The following NDUFS6 variants were observed in gnomAD, a reference collection of about 807,000 sequenced individuals.
NDUFS6 encodes NADH dehydrogenase [ubiquinone] iron-sulfur protein 6, mitochondrial.
A neutral mutation model predicts 13.2 loss-of-function variants in NDUFS6; 14 were observed. That is an observed-to-expected ratio of 1.06 (90% confidence interval 0.70 to 1.66). The LOEUF is 1.66. NDUFS6 is among the 40% of genes most tolerant of loss of function. NDUFS6 has a pLI of 0.00. For synonymous variants in NDUFS6, 95 were observed against 72.3 expected (o/e 1.31, Z -1.60); for missense variants, 206 against 170.8 (o/e 1.21, Z -1.15).
intron 2 of NDUFS6, among the ~76,000 whole-genome samples, chr5:1,812,469 C>T (rs1261922796): frequency 6.7e-6 from 1 of 148,182 alleles, no homozygotes; most frequent in Non-Finnish European, 1.5e-5. Flanking sequence ...TTATAATCCC[C>T]TTGTCCCTCC....
chr5:1,805,362 A>G (rs975397410), intron 2 of NDUFS6, among the ~76,000 whole-genome samples: 6 of 152,214 alleles, frequency 3.9e-5, no homozygotes, highest in Non-Finnish European at 5.9e-5. Context: ...ACTGAATCTG[A>G]ACTTCACCTG....
chr5:1,812,711 G>A (rs1402613634), intron 2 of NDUFS6, among the ~76,000 whole-genome samples: 1 of 151,428 alleles, frequency 6.6e-6, no homozygotes, highest in Non-Finnish European at 1.5e-5. Flanking sequence ...GGGCAGCAGG[G>A]GTCCTCATTG....
intron 2 of NDUFS6, among the ~76,000 whole-genome samples, chr5:1,811,691 CAT>C (rs1383328113): frequency 6.6e-6 from 1 of 152,200 alleles, no homozygotes; most frequent in Admixed American, 6.5e-5. Flanking sequence ...TGTTGTTGAA[CAT>C]GTCTCTTGTC....
intron 2 of NDUFS6, among the ~76,000 whole-genome samples, chr5:1,809,610 G>A (rs1311932823): frequency 6.6e-6 from 1 of 152,246 alleles, no homozygotes; most frequent in Non-Finnish European, 1.5e-5. Flanking sequence ...CCAGTGTCGA[G>A]GCGTCAGCAG....
intron 1 of NDUFS6, 90 bp downstream of exon 1, chr5:1,801,639 G>C: frequency 1.3e-6 from 2 of 1,490,762 alleles, no homozygotes; most frequent in African/African-American, 1.4e-5. Flanking sequence ...CGCGGCCCTG[G>C]TTCTGCGCCG....
At chr5:1,811,192 T>C (rs1734214075) in intron 2 of NDUFS6, among the ~76,000 whole-genome samples, 2 of 152,236 alleles carry the variant, frequency 1.3e-5, no homozygotes, top group African/African-American at 4.8e-5. Context: ...TTTATGTTAT[T>C]GGCAAACATT....
chr5:1,812,221 C>T (rs1182397707), intron 2 of NDUFS6, among the ~76,000 whole-genome samples: 1 of 151,994 alleles, frequency 6.6e-6, no homozygotes, highest in African/African-American at 2.4e-5. Flanking sequence ...CTACCAGGAG[C>T]CCGCTCACCA....
intron 2 of NDUFS6, among the ~76,000 whole-genome samples, chr5:1,806,994 A>C (rs112257397): frequency 1.3e-5 from 2 of 152,212 alleles, no homozygotes; most frequent in East Asian, 3.8e-4. Context: ...GACACGCCCC[A>C]CAACACGGAT....
In NDUFS6 at chr5:1,814,818, C is replaced by A; in HGVS notation, c.309+357C>A. Reference sequence around the variant, plus strand: ...AACAACAAACACATTTCCCACAGCGCTGGAGGCTGCAGCCCAAGACCACCG... The same window carrying A: ...AACAACAAACACATTTCCCACAGCGATGGAGGCTGCAGCCCAAGACCACCG... On this transcript the variant is annotated intron_variant, in intron 3 of 3. Coordinates refer to ENST00000274137, the MANE Select transcript of NDUFS6 (RefSeq NM_004553.6). This position sits in a 1 kb window ranked among gnomAD's most constrained non-coding sequence, Gnocchi z 4.9. 1 of 638,418 alleles carries A rather than the reference C, an allele frequency of 1.6e-6. No individual in the cohort carries two copies. Among genetic ancestry groups the A allele is most frequent in the Non-Finnish European group, 2.8e-6 (1 of 354,868 alleles). The allele number at this position is 638,418 out of a possible 1,614,324, so 39.5% of individuals were successfully genotyped here.
chr5:1,808,141 C>T (rs1341289266), intron 2 of NDUFS6, among the ~76,000 whole-genome samples: 2 of 152,212 alleles, frequency 1.3e-5, no homozygotes, highest in African/African-American at 4.8e-5. Flanking sequence ...GAGCTCTGTG[C>T]TTGCTTCCAG....
chr5:1,801,616 C>T (rs1334767010), intron 1 of NDUFS6, 67 bp downstream of exon 1: 1 of 1,516,868 alleles, frequency 6.6e-7, no homozygotes, highest in Non-Finnish European at 8.8e-7. Context: ...TGGCAGTGGG[C>T]TCGCCGGGCA....
At chr5:1,805,134 C>T (rs956560618) in intron 2 of NDUFS6, among the ~76,000 whole-genome samples, 7 of 152,204 alleles carry the variant, frequency 4.6e-5, no homozygotes, top group African/African-American at 1.4e-4. Flanking sequence ...CGTTCAAGAC[C>T]AGCCTGGGCA....
At chr5:1,815,687 G>A (rs1471145132) in intron 3 of NDUFS6, among the ~76,000 whole-genome samples, 164 bp from the exon 4 acceptor site, 5 of 152,322 alleles carry the variant, frequency 3.3e-5, no homozygotes, top group Middle Eastern at 3.4e-3. Context: ...CAGGGGCTTC[G>A]GTCAGCCTGG....
chr5:1,810,730 T>G (rs1182188992), intron 2 of NDUFS6, among the ~76,000 whole-genome samples: 3 of 151,494 alleles, frequency 2.0e-5, no homozygotes, highest in African/African-American at 4.9e-5. Context: ...CTCTAATGGT[T>G]GTCGGAGTGG....
Position 1,805,926 on chromosome 5 carries a change from C to T in NDUFS6, c.186+3552C>T, listed in dbSNP as rs1045218670. On this transcript the variant is annotated intron_variant, in intron 2 of 3. Transcript: ENST00000274137. ...ATGGGCTTATGAGGGCTGTGTGCTT[C>T]AGTGACTTAGCTTGTAGGCTCGTGG... Among the ~76,000 whole-genome samples, 26 of 152,136 alleles carry T rather than the reference C, an allele frequency of 1.7e-4. No homozygotes were observed. In the South Asian group the frequency reaches 2.3e-3, roughly 13 times the overall value.
rs956348151 is a variant in NDUFS6 at position 1,814,127 on chromosome 5, G to C, written c.187-212G>C. Among the ~76,000 whole-genome samples the C allele has an allele frequency of 6.6e-6, 1 of 152,230 alleles. No homozygotes were observed. Among genetic ancestry groups the C allele is most frequent in the African/African-American group, 2.4e-5 (1 of 41,458 alleles). On this transcript the variant is annotated intron_variant, in intron 2 of 3. Coordinates refer to ENST00000274137, the MANE Select transcript of NDUFS6 (RefSeq NM_004553.6). The surrounding 1 kb of genome is among the most constrained non-coding windows in gnomAD (Gnocchi z 4.9). ...AAGGCTCTGTGCTGCTGGGATTCTTGCAGTGCCTCTCCGCGTTTGGAACTT... is the reference window on the plus strand; with the variant it reads ...AAGGCTCTGTGCTGCTGGGATTCTTCCAGTGCCTCTCCGCGTTTGGAACTT...
chr5:1,806,162 A>C (rs1734118618), intron 2 of NDUFS6, among the ~76,000 whole-genome samples: 2 of 152,250 alleles, frequency 1.3e-5, no homozygotes, highest in Non-Finnish European at 2.9e-5. Context: ...ATTAGGCAGC[A>C]AACCCGGAAC....
intron 2 of NDUFS6, among the ~76,000 whole-genome samples, chr5:1,813,053 A>G (rs370817831): frequency 2.6e-5 from 4 of 152,204 alleles, no homozygotes; most frequent in East Asian, 1.9e-4. Flanking sequence ...CTCTGTCTCA[A>G]AAAAAGAAAA....
chr5:1,801,408 G>A lies in NDUFS6; in HGVS notation c.-10G>A. 1 of 1,605,396 alleles carries A rather than the reference G, an allele frequency of 6.2e-7. No individual in the cohort carries two copies. The highest frequency in any genetic ancestry group is 8.5e-7 in the Non-Finnish European group (1 of 1,178,188). ...GGACGTTGCGCCGGGTCAAAGGCCA[G>A]CGGCGCAAAATGGCGGCGGCGATGA... On this transcript the variant is annotated 5_prime_UTR_variant, in exon 1 of 4. Transcript: ENST00000274137.
Sources: allele counts gnomAD v4.1 joint callset (sites outside exome capture counted in the v4.1 genomes callset), GRCh38; gene constraint gnomAD v4.1.1; non-coding constraint Gnocchi (gnomAD v3.1); transcripts MANE v1.5; gene names NCBI Gene and HGNC (gene_info 2026-07-23, HGNC 2026-07-21).